Variants in DNAH11 observed in about 807,000 individuals in gnomAD.
The protein encoded by DNAH11 is axonemal beta dynein heavy chain 11.
A neutral mutation model predicts 526.0 loss-of-function variants in DNAH11; 442 were observed. The ratio of observed to expected loss-of-function variants is 0.84; its 90% CI spans 0.78 to 0.91. DNAH11 has a LOEUF of 0.91. Among genes scored for constraint, DNAH11 ranks in the 40% least tolerant of loss-of-function variants. DNAH11 has a pLI of 0.00. For synonymous variants in DNAH11, 2,461 were observed against 1,935.9 expected (o/e 1.27, Z -7.12); for missense variants, 6,989 against 5,448.7 (o/e 1.28, Z -8.90).
intron 34 of DNAH11, among the ~76,000 whole-genome samples, chr7:21,688,712 C>T (rs534454689): frequency 1.2e-4 from 19 of 152,344 alleles, no homozygotes; most frequent in African/African-American, 4.6e-4. Context: ...CATGTTCTTG[C>T]AGTAACTTGG....
intron 41 of DNAH11, among the ~76,000 whole-genome samples, chr7:21,711,490 A>G (rs1287143955): frequency 2.0e-5 from 3 of 152,256 alleles, no homozygotes; most frequent in Non-Finnish European, 4.4e-5. Context: ...AATTACTACA[A>G]TTATGTAAAG....
intron 71 of DNAH11, among the ~76,000 whole-genome samples, chr7:21,867,484 G>A (rs879594638): frequency 1.3e-5 from 2 of 152,224 alleles, no homozygotes; most frequent in Non-Finnish European, 1.5e-5. Context: ...GTATATTCAT[G>A]AGAAGCCCAG....
intron 55 of DNAH11, among the ~76,000 whole-genome samples, chr7:21,769,846 G>A (rs1787347581): frequency 6.6e-6 from 1 of 151,958 alleles, no homozygotes; most frequent in Non-Finnish European, 1.5e-5. Flanking sequence ...CAACTTTCTG[G>A]CAGAGAACCA....
chr7:21,877,407 T>G (rs893942417), intron 74 of DNAH11, among the ~76,000 whole-genome samples: 2 of 152,084 alleles, frequency 1.3e-5, no homozygotes, highest in Non-Finnish European at 2.9e-5. Flanking sequence ...ATCTTTCCCC[T>G]CAATTTAGAA....
chr7:21,789,808 T>TCTTTCTTTCTTTCTTTCTTTTTTC, intron 61 of DNAH11, among the ~76,000 whole-genome samples: 12 of 34,124 alleles, frequency 3.5e-4, no homozygotes, highest in South Asian at 1.1e-3. Flanking sequence ...TTTCTTTCTT[T>TCTTTCTTTCTTTCTTTCTTTTTTC]TTTCTTTCTT....
intron 54 of DNAH11, 121 bp from the exon 55 acceptor site, chr7:21,765,307 C>T: frequency 7.0e-7 from 1 of 1,425,700 alleles, no homozygotes; most frequent in East Asian, 2.3e-5. Flanking sequence ...CTCTCTAGGG[C>T]TTTAGGGTAG....
intron 30 of DNAH11, among the ~76,000 whole-genome samples, chr7:21,661,201 G>A (rs896794766): frequency 6.6e-6 from 1 of 152,034 alleles, no homozygotes; most frequent in Non-Finnish European, 1.5e-5. Flanking sequence ...ATTAATTATG[G>A]TGGGAGTGGT....
chr7:21,698,263 G>T (rs1279039269), intron 36 of DNAH11, 50 bp downstream of exon 36: 2 of 1,596,966 alleles, frequency 1.3e-6, no homozygotes, highest in Non-Finnish European at 8.5e-7. Context: ...CATTGAAAAA[G>T]CTTTTGAAGT....
intron 35 of DNAH11, among the ~76,000 whole-genome samples, chr7:21,695,813 A>T (rs1396410250): frequency 6.6e-6 from 1 of 152,226 alleles, no homozygotes; most frequent in Non-Finnish European, 1.5e-5. Flanking sequence ...CAACCTACAG[A>T]ATGGGAGAAA....
intron 79 of DNAH11, among the ~76,000 whole-genome samples, chr7:21,899,079 A>C (rs1162462449): frequency 6.6e-6 from 1 of 152,214 alleles, no homozygotes. Context: ...CTGTTGCATA[A>C]ATGGAAATGA....
intron 65 of DNAH11, among the ~76,000 whole-genome samples, chr7:21,840,094 G>C (rs1302591314): frequency 6.6e-6 from 1 of 152,168 alleles, no homozygotes; most frequent in African/African-American, 2.4e-5. Context: ...CTCTGAGCAA[G>C]ACACAATTAT....
chr7:21,748,728 A>G lies in DNAH11; in HGVS notation c.8659A>G (p.Ile2887Val). ...GATCACTCTGACCGAGGGCTATGGA[A>G]TCCAGGAACTTCGGGTGAGTCAAGG... ...FQITLTEGYG[I>V]QELRVDLANL... The change falls in exon 52 of 82, where the codon ATC (isoleucine) becomes GTC (valine). Residue 2887 changes from isoleucine (I) to valine (V), a missense_variant. Physicochemically the swap from Ile to Val is conservative, Grantham distance 29. Coordinates refer to ENST00000409508, the MANE Select transcript of DNAH11 (RefSeq NM_001277115.2). 1 of 1,613,110 alleles carries G rather than the reference A, an allele frequency of 6.2e-7. No homozygotes were observed. Among genetic ancestry groups the G allele is most frequent in the Non-Finnish European group, 8.5e-7 (1 of 1,179,418 alleles).
intron 61 of DNAH11, among the ~76,000 whole-genome samples, chr7:21,793,009 G>A (rs1040214608): frequency 6.6e-6 from 1 of 152,112 alleles, no homozygotes; most frequent in African/African-American, 2.4e-5. Context: ...GGCATTTGAT[G>A]TATTGCTGTA....
At chr7:21,588,734 A>G (rs1741308652) in intron 11 of DNAH11, 98 bp downstream of exon 11, 11 of 1,407,686 alleles carry the variant, frequency 7.8e-6, no homozygotes, top group Non-Finnish European at 9.9e-6. Flanking sequence ...TTAGGAAGCC[A>G]TTGCCCTGTT....
intron 20 of DNAH11, among the ~76,000 whole-genome samples, chr7:21,613,858 A>C (rs190470409): frequency 6.6e-6 from 1 of 151,812 alleles, no homozygotes; most frequent in Non-Finnish European, 1.5e-5. Context: ...ACCTTCCCTG[A>C]TCTTACTTAG....
chr7:21,614,248 T>C (rs934438910), intron 20 of DNAH11, among the ~76,000 whole-genome samples: 9 of 152,006 alleles, frequency 5.9e-5, no homozygotes, highest in Non-Finnish European at 1.5e-5. Flanking sequence ...TGGGAGAAAA[T>C]AGAAAGTGGA....
At chr7:21,741,852 G>GA (rs1314768534) in intron 48 of DNAH11, 75 bp from the exon 49 acceptor site, 27 of 1,526,210 alleles carry the variant, frequency 1.8e-5, no homozygotes, top group Admixed American at 3.8e-5. Flanking sequence ...AGGGAGGAGT[G>GA]AAAAAAAATC....
intron 52 of DNAH11, 136 bp from the exon 53 acceptor site, chr7:21,749,542 G>A: frequency 9.0e-7 from 1 of 1,111,758 alleles, no homozygotes; most frequent in Non-Finnish European, 1.3e-6. Context: ...CTCAGAGAAG[G>A]AATATGTAAA....
At chr7:21,565,720 A>T (rs1354670134) in intron 6 of DNAH11, among the ~76,000 whole-genome samples, 2 of 152,214 alleles carry the variant, frequency 1.3e-5, no homozygotes, top group African/African-American at 4.8e-5. Flanking sequence ...TGCCTAGTCC[A>T]TGGCTATTGC....
Sources: allele counts gnomAD v4.1 joint callset (sites outside exome capture counted in the v4.1 genomes callset), GRCh38; gene constraint gnomAD v4.1.1; transcripts MANE v1.5; gene names NCBI Gene and HGNC (gene_info 2026-07-23, HGNC 2026-07-21).